The following DNAH12 variants were observed in gnomAD, a reference collection of about 807,000 sequenced individuals.
The protein encoded by DNAH12 is dynein axonemal heavy chain 12.
DNAH12 carries 285 observed loss-of-function variants against 371.5 expected under a neutral mutation model. That is an observed-to-expected ratio of 0.77 (90% CI 0.70 to 0.85). The LOEUF (loss-of-function observed/expected upper bound fraction) is 0.85, where lower values mean the gene tolerates loss of function less well. Among genes scored for constraint, DNAH12 ranks in the 40% least tolerant of loss-of-function variants. The probability of loss-of-function intolerance (pLI) is 0.00; values close to 1 mark genes in which losing one functional copy is unlikely to be tolerated. For missense variants in DNAH12, 3,611 were observed against 3,689.4 expected, an observed-to-expected ratio of 0.98 and a Z score of 0.55; for synonymous variants, 1,200 against 1,213.0, an observed-to-expected ratio of 0.99 and a Z score of 0.22.
chr3:57,513,409 T>C (rs1399139200), intron 4 of DNAH12, among the ~76,000 whole-genome samples: 1 of 152,054 alleles, frequency 6.6e-6, no homozygotes, highest in Non-Finnish European at 1.5e-5. Context: ...AGTGGGTCAA[T>C]AGGTGCAGCA....
At chr3:57,447,802 T>C (rs957318506) in intron 25 of DNAH12, among the ~76,000 whole-genome samples, 3 of 151,970 alleles carry the variant, frequency 2.0e-5, no homozygotes, top group African/African-American at 7.3e-5. Context: ...GCCTCCCGAG[T>C]AGCGAGGACT....
At chr3:57,332,557 C>T (rs1575464746) in intron 62 of DNAH12, among the ~76,000 whole-genome samples, 1 of 152,056 alleles carries the variant, frequency 6.6e-6, no homozygotes, top group Admixed American at 6.6e-5. Context: ...TGTGGAACAG[C>T]GAGAGTGATT....
chr3:57,461,790 A>C, intron 18 of DNAH12, 101 bp from the exon 19 acceptor site: 1 of 925,366 alleles, frequency 1.1e-6, no homozygotes, highest in Non-Finnish European at 1.6e-6. Context: ...GATGTATTAC[A>C]TTATCATTTC....
intron 73 of DNAH12, 145 bp from the exon 74 acceptor site, chr3:57,294,116 T>TA (rs1336008186): frequency 8.3e-5 from 51 of 612,582 alleles, no homozygotes; most frequent in Non-Finnish European, 8.9e-5. Context: ...AGCATATATA[T>TA]TTTTTTACAG....
chr3:57,297,076 G>A, intron 70 of DNAH12, 92 bp from the exon 71 acceptor site: 1 of 1,438,550 alleles, frequency 7.0e-7, no homozygotes, highest in Non-Finnish European at 9.4e-7. Flanking sequence ...TTTTGCTTAT[G>A]TTGCCCACAT....
At chr3:57,443,625 T>C (rs764747242) in intron 29 of DNAH12, among the ~76,000 whole-genome samples, 55 of 152,138 alleles carry the variant, frequency 3.6e-4, no homozygotes, top group Non-Finnish European at 6.3e-4. Context: ...ATATACATTA[T>C]ATAATGATTA....
At chr3:57,443,170 C>T (rs1235745651) in intron 29 of DNAH12, among the ~76,000 whole-genome samples, 1 of 152,086 alleles carries the variant, frequency 6.6e-6, no homozygotes, top group South Asian at 2.1e-4. Context: ...AGTGCAATGG[C>T]GCAATCTCGG....
At chr3:57,501,959 A>T (rs1186656494) in intron 10 of DNAH12, among the ~76,000 whole-genome samples, 8 of 149,676 alleles carry the variant, frequency 5.3e-5, no homozygotes, top group Non-Finnish European at 1.2e-4. Context: ...CAGGCTGGAG[A>T]GCAGTGGCGC....
chr3:57,437,058 T>C lies in DNAH12; in HGVS notation c.4548A>G (p.Glu1516=). The C allele has an allele frequency of 2.0e-6, 3 of 1,517,396 alleles. No homozygotes were observed. The highest frequency in any genetic ancestry group is 2.6e-6 in the Non-Finnish European group (3 of 1,136,346). 94.0% of individuals were successfully genotyped at this position (1,517,396 alleles called of 1,614,324 possible). The change falls in exon 30 of 74, where the codon GAA becomes GAG. Residue 1516 remains glutamate, a splice_region_variant and synonymous_variant. Coordinates refer to ENST00000495027, the MANE Select transcript of DNAH12 (RefSeq NM_001366028.2). The part of the protein sequence containing the change: ...GIKLPEADYH[E]FLECAHEACN... ...AGGCTTCATGAGCACATTCCAAAAA[T>C]TCCTGAAATAAAAAAAAGTAATGCA...
chr3:57,439,878 C>A (rs2065252197), intron 29 of DNAH12, among the ~76,000 whole-genome samples: 1 of 151,606 alleles, frequency 6.6e-6, no homozygotes, highest in African/African-American at 2.4e-5. Flanking sequence ...AGGATACGAA[C>A]AGATGCTTCT....
At position 57,326,409 on chromosome 3, in the gene DNAH12, A is replaced by T. The variant is rs2061948384; in HGVS notation, c.9979-2790T>A. 2.0e-5 allele frequency among the ~76,000 whole-genome samples: 3 copies of T among 152,348 alleles called. No individual in the cohort carries two copies. In the South Asian group the frequency reaches 6.2e-4, roughly 32 times the overall value. ...AAGAGAGTGGGGGCCAATATTCAAC[A>T]TTCTTAAAGAAAAGAATTTTCAACC... On this transcript the variant is annotated intron_variant, in intron 62 of 73. Transcript: ENST00000495027.
At position 57,483,396 on chromosome 3, in the gene DNAH12, C is replaced by T; in HGVS notation, c.1630G>A (p.Glu544Lys). ...VEKARTVGIE[E>K]LILRIQESKR... ...CTTACCTGGATCCTTAAAATCAACT[C>T]TTCGATTCCTACAGTCCGGGCTTTT... Residue 544 changes from glutamate to lysine, a missense_variant, in exon 13 of 74, where the codon GAG becomes AAG. This residue lies in a region of DNAH12 where 1,314 missense variants were observed against 1,398.7 expected (regional missense o/e 0.94). Transcript: ENST00000495027. 1 of 1,546,722 alleles carries T rather than the reference C, an allele frequency of 6.5e-7. No individual in the cohort carries two copies. The highest frequency in any genetic ancestry group is 8.7e-7 in the Non-Finnish European group (1 of 1,145,928).
chr3:57,504,055 A>G lies in DNAH12; in HGVS notation c.1047T>C (p.Asn349=), dbSNP rs1194843589. The change falls in exon 9 of 74, where the codon AAT becomes AAC. Residue 349 remains asparagine (N), a synonymous_variant. Coordinates refer to ENST00000495027, the MANE Select transcript of DNAH12 (RefSeq NM_001366028.2). ...FYPTFQDLED[N]VLSLVERIAE... ...CTATTCGTTCCACCAAACTCAAGAC[A>G]TTATCTTCCAAATCTTGAAAGGTAG... 3.1e-6 allele frequency: 5 copies of G among 1,613,786 alleles called. No individual in the cohort carries two copies. The African/African-American group carries it at 5.3e-5, about 17-fold the overall frequency.
At chr3:57,309,540 G>A (rs1218183325) in intron 68 of DNAH12, 126 bp downstream of exon 68, 1 of 937,852 alleles carries the variant, frequency 1.1e-6, no homozygotes, top group Non-Finnish European at 1.5e-6. Context: ...CGGATTTGGA[G>A]GCTAATGCTT....
intron 60 of DNAH12, among the ~76,000 whole-genome samples, chr3:57,341,152 C>T (rs978540722): frequency 6.6e-5 from 10 of 150,758 alleles, no homozygotes; most frequent in African/African-American, 2.4e-4. Flanking sequence ...CTATATAAGA[C>T]AAACCCACAG....
chr3:57,326,701 A>T (rs1017343788), intron 62 of DNAH12, among the ~76,000 whole-genome samples: 2 of 152,236 alleles, frequency 1.3e-5, no homozygotes, highest in Non-Finnish European at 2.9e-5. Flanking sequence ...TCATATTCAC[A>T]CATAACAATA....
intron 60 of DNAH12, among the ~76,000 whole-genome samples, chr3:57,339,289 G>C (rs1319824463): frequency 6.6e-6 from 1 of 151,522 alleles, no homozygotes; most frequent in Non-Finnish European, 1.5e-5. Context: ...CTTTGTTCAC[G>C]TGTTTATCTG....
At chr3:57,506,639 G>T (rs1454486904) in intron 8 of DNAH12, among the ~76,000 whole-genome samples, 1 of 151,766 alleles carries the variant, frequency 6.6e-6, no homozygotes, top group African/African-American at 2.4e-5. Context: ...AGGAGGTTTT[G>T]CCATGTTGGC....
chr3:57,313,101 A>T (rs886114448), intron 66 of DNAH12, among the ~76,000 whole-genome samples: 10 of 152,212 alleles, frequency 6.6e-5, no homozygotes, highest in Non-Finnish European at 1.5e-4. Context: ...AAATATTAAT[A>T]TTCTGTGTTT....
Sources: allele counts gnomAD v4.1 joint callset (sites outside exome capture counted in the v4.1 genomes callset), GRCh38; gene constraint gnomAD v4.1.1; regional missense constraint gnomAD v4.1.1; transcripts MANE v1.5; gene names NCBI Gene and HGNC (gene_info 2026-07-23, HGNC 2026-07-21).